The following GPR137C variants were observed in gnomAD, a reference collection of about 807,000 sequenced individuals.
GPR137C encodes the protein G protein-coupled receptor 137C.
Under a neutral mutation model 43.4 loss-of-function variants are expected in GPR137C, and 27 were observed. The ratio of observed to expected loss-of-function variants is 0.62; its 90% CI spans 0.46 to 0.86. The LOEUF is 0.86. GPR137C is among the 40% of genes least tolerant of loss of function. The pLI, the probability that GPR137C is intolerant of heterozygous loss-of-function variation, is 0.00. For synonymous variants in GPR137C, 285 were observed against 226.9 expected (o/e 1.26, Z -2.30); for missense variants, 522 against 534.6 (o/e 0.98, Z 0.23).
chr14:52,634,510 A>G (rs1044860203), intron 6 of GPR137C, among the ~76,000 whole-genome samples: 1 of 152,130 alleles, frequency 6.6e-6, no homozygotes, highest in South Asian at 2.1e-4. Flanking sequence ...TGGGCAAGTT[A>G]TATAACCTCA....
At chr14:52,601,241 T>G (rs1449725683) in intron 3 of GPR137C, among the ~76,000 whole-genome samples, 1 of 152,160 alleles carries the variant, frequency 6.6e-6, no homozygotes, top group East Asian at 1.9e-4. Context: ...GAGCTTGTCT[T>G]CTTGCTTTAA....
chr14:52,577,516 G>GCACACA (rs3064748), intron 1 of GPR137C, among the ~76,000 whole-genome samples: 3,553 of 145,480 alleles, frequency 0.024, 128 homozygotes, highest in African/African-American at 0.084. Flanking sequence ...GCGCGCGCGC[G>GCACACA]CACACACACA....
chr14:52,568,179 C>T (rs2038402635), intron 1 of GPR137C, among the ~76,000 whole-genome samples: 1 of 152,126 alleles, frequency 6.6e-6, no homozygotes, highest in Non-Finnish European at 1.5e-5. Flanking sequence ...TGGGGCGTCA[C>T]CTCACCCGGG....
At chr14:52,558,739 A>G (rs982740839) in intron 1 of GPR137C, among the ~76,000 whole-genome samples, 12 of 152,242 alleles carry the variant, frequency 7.9e-5, no homozygotes, top group African/African-American at 2.9e-4. Context: ...AATACAAAAA[A>G]TTGGCACATT....
chr14:52,555,670 A>G (rs1437382468), intron 1 of GPR137C, among the ~76,000 whole-genome samples: 1 of 152,206 alleles, frequency 6.6e-6, no homozygotes, highest in Non-Finnish European at 1.5e-5. Context: ...TGCTTTTTTA[A>G]AAACGATAAA....
intron 1 of GPR137C, among the ~76,000 whole-genome samples, chr14:52,578,875 C>T (rs1341097294): frequency 6.6e-6 from 1 of 152,024 alleles, no homozygotes; most frequent in Non-Finnish European, 1.5e-5. Flanking sequence ...ACCTAGGAGG[C>T]CGAGTTTGCA....
At chr14:52,580,521 C>T (rs1199065568) in intron 1 of GPR137C, among the ~76,000 whole-genome samples, 1 of 151,894 alleles carries the variant, frequency 6.6e-6, no homozygotes, top group Admixed American at 6.6e-5. Flanking sequence ...ACCACCACAC[C>T]CAGTTAATTT....
At chr14:52,593,097 T>G (rs1317062506) in intron 1 of GPR137C, among the ~76,000 whole-genome samples, 2 of 152,198 alleles carry the variant, frequency 1.3e-5, no homozygotes, top group Non-Finnish European at 2.9e-5. Flanking sequence ...ATCATGTGGT[T>G]TTTGTCATTG....
At chr14:52,581,237 AG>A (rs1364014402) in intron 1 of GPR137C, among the ~76,000 whole-genome samples, 1 of 150,616 alleles carries the variant, frequency 6.6e-6, no homozygotes, top group African/African-American at 2.4e-5. Context: ...TGATAGACAT[AG>A]AAGGTGAACA....
intron 3 of GPR137C, among the ~76,000 whole-genome samples, chr14:52,610,350 G>C (rs1271588475): frequency 6.6e-6 from 1 of 152,148 alleles, no homozygotes; most frequent in Non-Finnish European, 1.5e-5. Flanking sequence ...GTGAAGACAA[G>C]GGTAGTCTCC....
intron 1 of GPR137C, among the ~76,000 whole-genome samples, chr14:52,583,053 A>G (rs1490020792): frequency 6.6e-6 from 1 of 152,150 alleles, no homozygotes; most frequent in African/African-American, 2.4e-5. Context: ...TAGAAAGAAT[A>G]ATATTCTTTT....
intron 1 of GPR137C, among the ~76,000 whole-genome samples, chr14:52,592,425 A>T (rs569802199): frequency 6.6e-6 from 1 of 152,248 alleles, no homozygotes; most frequent in East Asian, 1.9e-4. Context: ...CTTGGGCAGT[A>T]TGGGCATTTT....
chr14:52,554,731 C>G (rs1274539559), intron 1 of GPR137C, among the ~76,000 whole-genome samples: 1 of 151,242 alleles, frequency 6.6e-6, no homozygotes. Flanking sequence ...AAAAAAATGA[C>G]GTATATTAAG....
chr14:52,586,743 C>G (rs1052761053), intron 1 of GPR137C, among the ~76,000 whole-genome samples: 1 of 152,176 alleles, frequency 6.6e-6, no homozygotes, highest in African/African-American at 2.4e-5. Flanking sequence ...CATTCCAAAA[C>G]TCACCTATTA....
intron 1 of GPR137C, among the ~76,000 whole-genome samples, chr14:52,563,627 G>A (rs1021916530): frequency 1.3e-5 from 2 of 152,130 alleles, no homozygotes; most frequent in Non-Finnish European, 2.9e-5. Flanking sequence ...CTGGATTACA[G>A]AGCAAGATCC....
At chr14:52,570,076 T>C (rs1004716114) in intron 1 of GPR137C, among the ~76,000 whole-genome samples, 2 of 151,820 alleles carry the variant, frequency 1.3e-5, no homozygotes, top group African/African-American at 4.8e-5. Flanking sequence ...AAGGAAAAAA[T>C]GTTAAGGGCA....
intron 1 of GPR137C, among the ~76,000 whole-genome samples, chr14:52,566,302 A>C (rs2038368878): frequency 6.6e-6 from 1 of 152,172 alleles, no homozygotes; most frequent in African/African-American, 2.4e-5. Context: ...AAAAAGCTTA[A>C]ATATTTTCTT....
rs1439511787 is a variant in GPR137C, at chr14:52,552,954, G to A, written c.-194G>A. Among the ~76,000 whole-genome samples the A allele has an allele frequency of 1.3e-5, 2 of 151,650 alleles. No individual in the cohort carries two copies. Among genetic ancestry groups the A allele is most frequent in the Non-Finnish European group, 1.5e-5 (1 of 67,830 alleles). On this transcript the variant is annotated 5_prime_UTR_variant, in exon 1 of 7. Transcript: ENST00000321662. ...GGAGGAGCCGAGACCCCCGGGGGGTGGGGGGAAAGAGGAGGCGGGGTCCGG... is the reference window on the plus strand; with the variant it reads ...GGAGGAGCCGAGACCCCCGGGGGGTAGGGGGAAAGAGGAGGCGGGGTCCGG...
At chr14:52,557,739 A>G (rs189480955) in intron 1 of GPR137C, among the ~76,000 whole-genome samples, 30 of 152,334 alleles carry the variant, frequency 2.0e-4, no homozygotes, top group Admixed American at 1.6e-3. Flanking sequence ...ACCCCCATGA[A>G]ATAGAAAGAG....
Sources: allele counts gnomAD v4.1 joint callset (sites outside exome capture counted in the v4.1 genomes callset), GRCh38; gene constraint gnomAD v4.1.1; transcripts MANE v1.5; gene names NCBI Gene and HGNC (gene_info 2026-07-23, HGNC 2026-07-21).